PARP10: variants seen among roughly 807,000 people sequenced by gnomAD.
The protein encoded by PARP10 is protein mono-ADP-ribosyltransferase PARP10.
PARP10 carries 56 observed loss-of-function variants against 82.4 expected under a neutral mutation model. That is an observed-to-expected ratio of 0.68 (90% CI 0.55 to 0.85). The LOEUF is 0.85. Ranked by LOEUF, PARP10 falls within the 40% of genes least tolerant of loss-of-function variation. The pLI is 0.00. For synonymous variants in PARP10, 576 were observed against 601.1 expected, an observed-to-expected ratio of 0.96 and a Z score of 0.61; for missense variants, 1,227 against 1,379.4, an observed-to-expected ratio of 0.89 and a Z score of 1.75.
chr8:144,008,521 A>G lies in PARP10; in HGVS notation c.-80+4009T>C, dbSNP rs1382985448. Among the ~76,000 whole-genome samples the G allele has an allele frequency of 6.6e-6, 1 of 152,170 alleles. No individual in the cohort carries two copies. Among genetic ancestry groups the G allele is most frequent in the Non-Finnish European group, 1.5e-5 (1 of 68,044 alleles). On this transcript the variant is annotated intron_variant, in intron 1 of 3. Transcript: ENST00000530478. This position sits in a 1 kb window ranked among gnomAD's most constrained non-coding sequence, Gnocchi z 4.0. ...GCAAAAGCAAGTGGGACAACACTGG[A>G]GGTTTGTTCACAGTGAGCCCCTAAC...
chr8:143,983,172 G>T lies in PARP10; in HGVS notation c.2417C>A (p.Pro806His). ...SLAFPLAASG[P>H]TLAGQTLKGP... ...AGTCCAGGAGGTAGACTCACAGGTA[G>T]GGCCTGAAGCTGCCAAGGGAAAGGC... Residue 806 changes from proline (P) to histidine (H), a missense_variant, in exon 8 of 11, where the codon CCT becomes CAT. Coordinates refer to ENST00000313028, the MANE Select transcript of PARP10 (RefSeq NM_032789.5). 6.2e-7 allele frequency: 1 copy of T among 1,613,248 alleles called. No individual in the cohort carries two copies. The highest frequency in any genetic ancestry group is 1.7e-4 in the Middle Eastern group (1 of 6,060).
intron 1 of PARP10, among the ~76,000 whole-genome samples, chr8:143,999,020 T>TTCCTTCCTTCC (rs1564260367): frequency 7.1e-6 from 1 of 140,426 alleles, no homozygotes; most frequent in African/African-American, 3.0e-5. Context: ...TCCTTCCTTC[T>TTCCTTCCTTCC]TTCTTTCTTT....
rs782015813 is a variant in PARP10 at position 143,986,116 on chromosome 8, T to C, written c.120A>G (p.Gly40=). Residue 40 remains glycine (G), a synonymous_variant, in exon 2 of 11, where the codon GGA becomes GGG. Coordinates refer to ENST00000313028, the MANE Select transcript of PARP10 (RefSeq NM_032789.5). ...CCAGTCTCTGCCAGCTCAACACAGG[T>C]CCCCCTCCAGAGCGTCGGCGGTTTT... ...YFENRRRSGG[G]PVLSWQRLGC... The C allele has an allele frequency of 6.2e-7, 1 of 1,613,582 alleles. No individual in the cohort carries two copies. Among genetic ancestry groups the C allele is most frequent in the Non-Finnish European group, 8.5e-7 (1 of 1,179,886 alleles).
chr8:143,977,659 G>A lies in PARP10; in HGVS notation c.2903C>T (p.Pro968Leu). Residue 968 changes from proline (P) to leucine (L), a missense_variant, in exon 11 of 11, where the codon CCT (proline) becomes CTT (leucine). By Grantham distance (98) the Pro-to-Leu change is moderately conservative. Transcript: ENST00000313028. Reference sequence around the variant, plus strand: ...GTCGTAGCGCAGGAGCACGTGGCCAGGACCCCGCAGAGGGGGCGCCCGCAG... The same window carrying A: ...GTCGTAGCGCAGGAGCACGTGGCCAAGACCCCGCAGAGGGGGCGCCCGCAG... ...RGLRAPPLRG[P>L]GHVLLRYDSA... 6.3e-7 allele frequency: 1 copy of A among 1,594,322 alleles called. No individual in the cohort carries two copies. Among genetic ancestry groups the A allele is most frequent in the Non-Finnish European group, 8.5e-7 (1 of 1,171,244 alleles).
At chr8:143,992,941 C>T (rs782532452), upstream of PARP10, 93 of 981,254 alleles carry the variant, frequency 9.5e-5, no homozygotes, top group Non-Finnish European at 1.2e-4. Flanking sequence ...CTCTTGTCCC[C>T]AGGCACAGCC....
At chr8:144,005,286 G>A (rs955604341) in intron 1 of PARP10, among the ~76,000 whole-genome samples, 1 of 152,058 alleles carries the variant, frequency 6.6e-6, no homozygotes, top group African/African-American at 2.4e-5. Context: ...AATACAGGAA[G>A]TGAGAGGAGA....
Position 143,985,048 on chromosome 8 carries a change from C to G in PARP10, c.954G>C (p.Gly318=), listed in dbSNP as rs782695512. Residue 318 remains glycine (G), a synonymous_variant, in exon 5 of 11, where the codon GGG becomes GGC. Transcript: ENST00000313028. ...CCTGGCCAGAGCCTGTTGTCATAAT[C>G]CCTCTACCCTGCACCATGGGACCTG... ...LRTGPMVQGR[G]IMTTGSGQEP... is the part of the protein sequence containing the mutation. 2 of 1,613,786 alleles carry G rather than the reference C, an allele frequency of 1.2e-6. No individual in the cohort carries two copies. Among genetic ancestry groups the G allele is most frequent in the Non-Finnish European group, 1.7e-6 (2 of 1,179,978 alleles).
At chr8:143,992,924 C>T, upstream of PARP10, 1 of 1,201,404 alleles carries the variant, frequency 8.3e-7, no homozygotes, top group Non-Finnish European at 1.2e-6. Context: ...AGCTGTACTT[C>T]CCCTCTCTCT....
chr8:143,978,102 A>G (rs1554746872), intron 9 of PARP10, 21 bp from the exon 10 acceptor site: 4 of 1,482,538 alleles, frequency 2.7e-6, no homozygotes, highest in South Asian at 2.6e-5. Flanking sequence ...GGCCCGGGCC[A>G]GGATTAAACA....
intron 1 of PARP10, among the ~76,000 whole-genome samples, chr8:144,001,007 A>G (rs1834198535): frequency 7.2e-6 from 1 of 138,882 alleles, no homozygotes; most frequent in South Asian, 2.3e-4. Flanking sequence ...TCTGCCTCCC[A>G]GGTTCACACC....
intron 9 of PARP10, 129 bp downstream of exon 9, chr8:143,982,802 TG>T: frequency 7.0e-7 from 1 of 1,418,716 alleles, no homozygotes; most frequent in Non-Finnish European, 9.6e-7. Context: ...AGAACAGGGC[TG>T]GGAGCCTGTC....
In PARP10 at chr8:143,977,489, T is replaced by A; in HGVS notation, c.3073A>T (p.Thr1025Ser). ...PSGLPGRSPD[T>S] The stretch of plus-strand genomic sequence containing the variant: ...CCAGAGGGTGGCCCCTTCGGTTAAG[T>A]GTCTGGGGAGCGGCCCGGGAGCCCA... The change falls in exon 11 of 11, where the codon ACT becomes TCT. Residue 1025 changes from threonine to serine, a missense_variant. Coordinates refer to ENST00000313028, the MANE Select transcript of PARP10 (RefSeq NM_032789.5). The A allele has an allele frequency of 6.5e-7, 1 of 1,546,874 alleles. No individual in the cohort carries two copies. Among genetic ancestry groups the A allele is most frequent in the Non-Finnish European group, 8.7e-7 (1 of 1,145,000 alleles).
In PARP10 at chr8:143,983,828, G is replaced by A; in HGVS notation, c.1778-17C>T. On this transcript the variant is annotated splice_polypyrimidine_tract_variant and intron_variant, in intron 7 of 10. Coordinates refer to ENST00000313028, the MANE Select transcript of PARP10 (RefSeq NM_032789.5). The stretch of plus-strand genomic sequence containing the variant: ...GGACCTCCTCTGGGGGCAGGGAGAG[G>A]CCATTGGGTCAGGGGCTGGACCCAG... The A allele has an allele frequency of 6.4e-7, 1 of 1,557,622 alleles. No individual in the cohort carries two copies. Among genetic ancestry groups the A allele is most frequent in the Non-Finnish European group, 8.7e-7 (1 of 1,151,212 alleles).
intron 9 of PARP10, among the ~76,000 whole-genome samples, chr8:143,981,995 G>A (rs202055832): frequency 2.1e-3 from 1 of 468 alleles, no homozygotes; most frequent in African/African-American, 4.5e-3. Context: ...TGATGGTGAT[G>A]GGGTGATGGT....
upstream of PARP10, chr8:143,992,351 C>T: frequency 6.3e-7 from 1 of 1,595,300 alleles, no homozygotes; most frequent in Non-Finnish European, 8.6e-7. Flanking sequence ...GTCTGCTTCA[C>T]CGTCGTCATC....
At chr8:144,007,660 A>G (rs1265317461) in intron 1 of PARP10, among the ~76,000 whole-genome samples, 1 of 152,128 alleles carries the variant, frequency 6.6e-6, no homozygotes, top group African/African-American at 2.4e-5. Context: ...GCCTAGCTCC[A>G]ATGGGGTGTC....
upstream of PARP10, chr8:143,991,227 T>C: frequency 6.3e-7 from 1 of 1,576,896 alleles, no homozygotes; most frequent in Non-Finnish European, 8.6e-7. Context: ...CGAGGCCATG[T>C]CCCATGAAAA....
chr8:143,989,810 C>T (rs1262015578), upstream of PARP10: 2 of 152,238 alleles, frequency 1.3e-5, no homozygotes, highest in Non-Finnish European at 2.9e-5. This position sits in a 1 kb window ranked among gnomAD's most constrained non-coding sequence, Gnocchi z 4.3. Flanking sequence ...GCAAATCCCG[C>T]ATTTAGGAAT....
chr8:143,989,346 G>C (rs1463858237), upstream of PARP10, among the ~76,000 whole-genome samples: 1 of 152,250 alleles, frequency 6.6e-6, no homozygotes, highest in African/African-American at 2.4e-5. The surrounding 1 kb of genome is among the most constrained non-coding windows in gnomAD (Gnocchi z 4.3). Context: ...ACGTTAGGCA[G>C]ACAAGCGAGC....
Sources: allele counts gnomAD v4.1 joint callset (sites outside exome capture counted in the v4.1 genomes callset), GRCh38; gene constraint gnomAD v4.1.1; non-coding constraint Gnocchi (gnomAD v3.1); transcripts MANE v1.5; gene names NCBI Gene and HGNC (gene_info 2026-07-23, HGNC 2026-07-21).